KIAA1217: variants seen among roughly 807,000 people sequenced by gnomAD.
KIAA1217 encodes KIAA1217.
Under a neutral mutation model 163.9 loss-of-function variants are expected in KIAA1217, and 88 were observed. That is an observed-to-expected ratio of 0.54 (90% CI 0.45 to 0.64). KIAA1217 has a LOEUF of 0.64. Among genes scored for constraint, KIAA1217 ranks in the 30% least tolerant of loss-of-function variants. The pLI, the probability that KIAA1217 is intolerant of heterozygous loss-of-function variation, is 0.00. For missense variants in KIAA1217, 2,372 were observed against 2,475.0 expected (o/e 0.96, Z 0.88); for synonymous variants, 903 against 923.1 (o/e 0.98, Z 0.39).
chr10:23,795,282 G>T (rs1265134935), intron 1 of KIAA1217, among the ~76,000 whole-genome samples: 3 of 152,084 alleles, frequency 2.0e-5, no homozygotes, highest in Admixed American at 1.3e-4. Context: ...CCTCCCTTAT[G>T]CCTCACTAGT....
Position 24,006,063 on chromosome 10 carries a change from C to T in KIAA1217, c.-320-1162C>T, listed in dbSNP as rs555932103. On this transcript the variant is annotated intron_variant, in intron 1 of 18. Coordinates refer to the KIAA1217 transcript ENST00000376462. ...TGTGTTATACGGTTTCAGTGGACCA[C>T]TTTGATGCCCAAAAGAGCTTGAAAA... Among the ~76,000 whole-genome samples, 6 of 152,302 alleles carry T rather than the reference C, an allele frequency of 3.9e-5. No individual in the cohort carries two copies. The East Asian group carries it at 9.7e-4, about 25-fold the overall frequency.
chr10:24,191,326 A>G (rs1339594807), intron 2 of KIAA1217, among the ~76,000 whole-genome samples: 1 of 152,234 alleles, frequency 6.6e-6, no homozygotes, highest in African/African-American at 2.4e-5. Flanking sequence ...AACAGGCACA[A>G]TAGGAAAGTT....
intron 2 of KIAA1217, among the ~76,000 whole-genome samples, chr10:24,311,376 C>T (rs1358646772): frequency 2.0e-5 from 3 of 152,132 alleles, no homozygotes; most frequent in Non-Finnish European, 2.9e-5. Flanking sequence ...CTGGGCTTGT[C>T]TCTGAGCTGC....
chr10:23,854,863 C>T (rs1369802861), intron 1 of KIAA1217, among the ~76,000 whole-genome samples: 2 of 152,004 alleles, frequency 1.3e-5, no homozygotes, highest in African/African-American at 4.8e-5. Context: ...TTTCCATTTG[C>T]TTGGTAGATC....
At position 24,308,801 on chromosome 10, in the gene KIAA1217, A is replaced by G. The variant is rs531362035; in HGVS notation, c.355-72068A>G. Among the ~76,000 whole-genome samples the G allele has an allele frequency of 1.1e-3, 164 of 152,214 alleles. 1 individual carries two copies. Among genetic ancestry groups the G allele is most frequent in the African/African-American group, 3.2e-3 (134 of 41,544 alleles). On this transcript the variant is annotated intron_variant, in intron 2 of 20. Coordinates refer to ENST00000376454, the MANE Select transcript of KIAA1217 (RefSeq NM_019590.5). The stretch of plus-strand genomic sequence containing the variant: ...CCTTCTACTTGATGCAATGACTGGC[A>G]TAACGTATTTGTTGGAATGAATGAA...
intron 1 of KIAA1217, among the ~76,000 whole-genome samples, chr10:23,750,587 C>T (rs773023717): frequency 3.9e-5 from 6 of 152,140 alleles, no homozygotes; most frequent in Non-Finnish European, 7.3e-5. Flanking sequence ...TGCCCCTTTA[C>T]GCCTCTGTCT....
At chr10:23,894,000 A>G (rs983989019) in intron 1 of KIAA1217, among the ~76,000 whole-genome samples, 1 of 152,062 alleles carries the variant, frequency 6.6e-6, no homozygotes, top group African/African-American at 2.4e-5. Context: ...CAAAATAATA[A>G]GAACTATCTA....
chr10:24,114,422 T>A (rs2062972433), intron 2 of KIAA1217, among the ~76,000 whole-genome samples: 1 of 152,228 alleles, frequency 6.6e-6, no homozygotes, highest in Non-Finnish European at 1.5e-5. Flanking sequence ...TGATAATTTT[T>A]TGCAGAGCAA....
intron 1 of KIAA1217, among the ~76,000 whole-genome samples, chr10:23,887,367 T>C (rs1841226215): frequency 1.3e-5 from 2 of 151,914 alleles, no homozygotes; most frequent in Non-Finnish European, 1.5e-5. Context: ...TTGAAATGTT[T>C]CCATTGTTAA....
intron 6 of KIAA1217, among the ~76,000 whole-genome samples, chr10:24,483,800 A>G (rs2065003724): frequency 6.6e-6 from 1 of 152,164 alleles, no homozygotes; most frequent in Non-Finnish European, 1.5e-5. Flanking sequence ...CCAGAACACA[A>G]ATGTTCCAGA....
At chr10:24,483,863 G>A (rs1447073235) in intron 6 of KIAA1217, among the ~76,000 whole-genome samples, 3 of 152,154 alleles carry the variant, frequency 2.0e-5, no homozygotes, top group Admixed American at 6.6e-5. Flanking sequence ...CATAAAGCAG[G>A]GTGTAGGCTT....
chr10:24,209,112 C>T (rs545313990), upstream of KIAA1217: 1 of 1,296,718 alleles, frequency 7.7e-7, no homozygotes, highest in Non-Finnish European at 1.1e-6. Context: ...CCCGGGCCCC[C>T]TCCCAGGCGC....
intron 2 of KIAA1217, among the ~76,000 whole-genome samples, chr10:24,030,407 G>A (rs1336090239): frequency 6.6e-6 from 1 of 152,018 alleles, no homozygotes; most frequent in African/African-American, 2.4e-5. Flanking sequence ...CCCCTTTGCT[G>A]CCTCTCTCCT....
chr10:24,491,143 T>G (rs929820667), intron 6 of KIAA1217, among the ~76,000 whole-genome samples: 11 of 152,106 alleles, frequency 7.2e-5, no homozygotes, highest in African/African-American at 2.4e-4. Flanking sequence ...AAGGTGTGTC[T>G]GCAGCTCCCC....
chr10:24,125,861 A>G (rs1564730251), intron 2 of KIAA1217, among the ~76,000 whole-genome samples: 1 of 152,152 alleles, frequency 6.6e-6, no homozygotes, highest in Non-Finnish European at 1.5e-5. Context: ...CCTTTTGAAG[A>G]TATTTCGCTG....
At position 23,818,327 on chromosome 10, in the gene KIAA1217, ATATT is replaced by A. The variant is rs566873422; in HGVS notation, c.-321+123095_-321+123098del. Among the ~76,000 whole-genome samples the A allele has an allele frequency of 4.4e-3, 519 of 118,780 alleles. 10 individuals carry two copies. Among genetic ancestry groups the A allele is most frequent in the African/African-American group, 0.018 (473 of 26,532 alleles). 77.9% of individuals were successfully genotyped at this position (118,780 alleles called of 152,430 possible). The stretch of plus-strand genomic sequence containing the variant: ...ATTATATATATATAACACTATATAT[ATATT>A]TTATATATATATATAAAAAAATATA... On this transcript the variant is annotated intron_variant, in intron 1 of 18. Coordinates refer to the KIAA1217 transcript ENST00000376462.
At chr10:23,850,559 G>C (rs971978979) in intron 1 of KIAA1217, among the ~76,000 whole-genome samples, 3 of 152,224 alleles carry the variant, frequency 2.0e-5, no homozygotes, top group Non-Finnish European at 1.5e-5. Flanking sequence ...GTACCAGCTA[G>C]AGTATATCAA....
chr10:23,896,095 A>T (rs1031346020), intron 1 of KIAA1217, among the ~76,000 whole-genome samples: 3 of 151,956 alleles, frequency 2.0e-5, no homozygotes, highest in Non-Finnish European at 4.4e-5. Context: ...ATACATATGT[A>T]ACTAACCTGC....
chr10:24,509,525 A>G (rs988026400), intron 9 of KIAA1217, among the ~76,000 whole-genome samples: 1 of 152,140 alleles, frequency 6.6e-6, no homozygotes, highest in Non-Finnish European at 1.5e-5. Context: ...GTATTTTCCA[A>G]TATTTCTTAT....
Sources: allele counts gnomAD v4.1 joint callset (sites outside exome capture counted in the v4.1 genomes callset), GRCh38; gene constraint gnomAD v4.1.1; transcripts MANE v1.5; gene names NCBI Gene and HGNC (gene_info 2026-07-23, HGNC 2026-07-21).